The following MAST2 variants were observed in gnomAD, a reference collection of about 807,000 sequenced individuals.
MAST2 encodes the protein microtubule associated serine/threonine kinase 2, also known as microtubule-associated serine/threonine-protein kinase 2.
A neutral mutation model predicts 147.4 loss-of-function variants in MAST2; 70 were observed. The observed-to-expected ratio is 0.47, with a 90% CI of 0.39 to 0.58. The LOEUF (loss-of-function observed/expected upper bound fraction) is 0.58. Ranked by LOEUF, MAST2 falls within the 20% of genes least tolerant of loss-of-function variation. The pLI, the probability that MAST2 is intolerant of heterozygous loss-of-function variation, is 0.00. For synonymous variants in MAST2, 869 were observed against 896.8 expected (o/e 0.97, Z 0.55); for missense variants, 2,080 against 2,302.3 (o/e 0.90, Z 1.98).
At chr1:45,946,647 T>G (rs188999174) in intron 4 of MAST2, among the ~76,000 whole-genome samples, 2 of 152,348 alleles carry the variant, frequency 1.3e-5, no homozygotes, top group Admixed American at 1.3e-4. Context: ...ATGCTTCCTT[T>G]GCATTGCTGG....
chr1:45,906,760 A>G (rs1008167566), intron 4 of MAST2, among the ~76,000 whole-genome samples: 1 of 151,894 alleles, frequency 6.6e-6, no homozygotes, highest in Admixed American at 6.6e-5. Context: ...TGTTTCTATA[A>G]AGTCTACAGT....
chr1:45,902,569 G>C lies in MAST2; in HGVS notation c.500+20174G>C, dbSNP rs79088920. 3.0e-3 allele frequency among the ~76,000 whole-genome samples: 447 copies of C among 150,584 alleles called. 3 individuals are homozygous for C. Among genetic ancestry groups the C allele is most frequent in the East Asian group, 0.021 (107 of 5,138 alleles). On this transcript the variant is annotated intron_variant, in intron 4 of 28. Coordinates refer to ENST00000361297, the MANE Select transcript of MAST2 (RefSeq NM_015112.3). Reference sequence around the variant, plus strand: ...TCAGTAAGAGGTACAGTTCTTCTTTGTACATCTGGTAGAACTTGGCTGTGA... The same window carrying C: ...TCAGTAAGAGGTACAGTTCTTCTTTCTACATCTGGTAGAACTTGGCTGTGA...
rs755313941 is a variant in MAST2, at chr1:46,036,023, G to A, written c.5354G>A (p.Arg1785Gln). 29 of 1,612,944 alleles carry A rather than the reference G, an allele frequency of 1.8e-5. No individual in the cohort carries two copies. The highest frequency in any genetic ancestry group is 1.6e-4 in the Middle Eastern group (1 of 6,082). The change falls in exon 29 of 29, where the codon CGG becomes CAG. Residue 1785 changes from arginine to glutamine, a missense_variant. This residue lies in a region of MAST2 where 1,278 missense variants were observed against 1,304.2 expected (regional missense o/e 0.98). Coordinates refer to ENST00000361297, the MANE Select transcript of MAST2 (RefSeq NM_015112.3). ...GQEPGGHQKH[R>Q]DLALVPDELL... ...GAACCAGGGGGCCATCAAAAGCATC[G>A]GGATTTGGCATTGGTTCCAGATGAG...
chr1:45,860,230 A>ACT (rs1462573734), intron 3 of MAST2, among the ~76,000 whole-genome samples: 1 of 151,230 alleles, frequency 6.6e-6, no homozygotes, highest in African/African-American at 2.4e-5. Flanking sequence ...ACACACACAC[A>ACT]CAAATTAGCC....
intron 3 of MAST2, among the ~76,000 whole-genome samples, chr1:45,876,208 T>G (rs186155744): frequency 6.6e-6 from 1 of 152,302 alleles, no homozygotes; most frequent in African/African-American, 2.4e-5. Context: ...TTAAATGGGC[T>G]GGTAAGGTCT....
intron 2 of MAST2, among the ~76,000 whole-genome samples, chr1:45,828,823 C>T (rs2147803005): frequency 6.6e-6 from 1 of 152,114 alleles, no homozygotes; most frequent in South Asian, 2.1e-4. Flanking sequence ...ACTCAGGAGG[C>T]TGAGGCAGGA....
intron 4 of MAST2, among the ~76,000 whole-genome samples, chr1:45,914,432 T>C (rs911753786): frequency 1.3e-5 from 2 of 152,214 alleles, no homozygotes; most frequent in African/African-American, 4.8e-5. Context: ...AGGCTTCCTC[T>C]TCAGGGTGAC....
chr1:45,934,729 A>T (rs1291120873), intron 4 of MAST2, among the ~76,000 whole-genome samples: 3 of 152,146 alleles, frequency 2.0e-5, no homozygotes, highest in Non-Finnish European at 2.9e-5. Context: ...GGCCAATTTC[A>T]TTCTTTTTAA....
intron 4 of MAST2, among the ~76,000 whole-genome samples, chr1:45,931,377 G>GTT (rs71587091): frequency 0.073 from 7,421 of 101,122 alleles, 656 homozygotes; most frequent in African/African-American, 0.08. Context: ...ATTGTGTTCT[G>GTT]TTTTTTTTTT....
chr1:45,831,923 G>A (rs925514729), intron 3 of MAST2, among the ~76,000 whole-genome samples: 1 of 151,774 alleles, frequency 6.6e-6, no homozygotes, highest in Non-Finnish European at 1.5e-5. Flanking sequence ...GGGATTACAG[G>A]TGCGTACCAC....
At position 46,034,629 on chromosome 1, in the gene MAST2, C is replaced by T. The variant is rs371860079; in HGVS notation, c.3960C>T (p.His1320=). The T allele has an allele frequency of 6.8e-6, 11 of 1,614,024 alleles. No homozygotes were observed. Among genetic ancestry groups the T allele is most frequent in the South Asian group, 5.5e-5 (5 of 91,082 alleles). ...GSGHTRPSSL[H]GLAPKLQRQY... ...GGCACACACGGCCCAGCTCCCTCCA[C>T]GGTCTGGCACCCAAGCTCCAACGCC... The change falls in exon 29 of 29, where the codon CAC becomes CAT. Residue 1320 remains histidine, a synonymous_variant. Coordinates refer to ENST00000361297, the MANE Select transcript of MAST2 (RefSeq NM_015112.3).
At chr1:45,993,601 T>C (rs967603994) in intron 5 of MAST2, among the ~76,000 whole-genome samples, 4 of 152,114 alleles carry the variant, frequency 2.6e-5, no homozygotes, top group African/African-American at 9.7e-5. Flanking sequence ...GGAGAATCTT[T>C]TGAACCCAGG....
At chr1:45,821,248 CCG>C (rs1644617453) in intron 1 of MAST2, among the ~76,000 whole-genome samples, 1 of 152,058 alleles carries the variant, frequency 6.6e-6, no homozygotes, top group Non-Finnish European at 1.5e-5. Flanking sequence ...AGATAGAATT[CCG>C]TATGTCATCC....
At chr1:45,927,713 C>G (rs1654622330) in intron 4 of MAST2, among the ~76,000 whole-genome samples, 1 of 152,124 alleles carries the variant, frequency 6.6e-6, no homozygotes, top group African/African-American at 2.4e-5. Context: ...ATCACATGGT[C>G]CTGAAGCGAC....
intron 1 of MAST2, among the ~76,000 whole-genome samples, chr1:45,821,917 G>T (rs2148692930): frequency 8.8e-6 from 1 of 113,666 alleles, no homozygotes; most frequent in Non-Finnish European, 1.7e-5. Context: ...GTGACAGAGT[G>T]TTGCTCTGTC....
At chr1:46,021,476 G>A (rs1424544966) in intron 11 of MAST2, among the ~76,000 whole-genome samples, 1 of 152,222 alleles carries the variant, frequency 6.6e-6, no homozygotes, top group East Asian at 1.9e-4. Context: ...TGCAGACAAG[G>A]ATTGTGCTTT....
chr1:46,006,330 A>G lies in MAST2; in HGVS notation c.837A>G (p.Thr279=), dbSNP rs759090893. 5.0e-6 allele frequency: 8 copies of G among 1,614,140 alleles called. No individual in the cohort carries two copies. In the Admixed American group the frequency reaches 1.2e-4, roughly 24 times the overall value. The part of the protein sequence containing the change: ...ELHFLTKHFS[T]ESVPDEEGRQ... ...ACTTTTTGACGAAGCATTTCAGCAC[A>G]GAGAGCGTACCAGATGAGGAAGGAC... The change falls in exon 8 of 29, where the codon ACA becomes ACG. Residue 279 remains threonine, a synonymous_variant. Coordinates refer to ENST00000361297, the MANE Select transcript of MAST2 (RefSeq NM_015112.3).
Position 46,035,152 on chromosome 1 carries a change from CAAG to C in MAST2, c.4487_4489del (p.Glu1496del), listed in dbSNP as rs1429376850. The C allele has an allele frequency of 6.2e-7, 1 of 1,613,856 alleles. No individual in the cohort carries two copies. Among genetic ancestry groups the C allele is most frequent in the Admixed American group, 1.7e-5 (1 of 60,022 alleles). On this transcript the variant is annotated inframe_deletion, in exon 29 of 29. Transcript: ENST00000361297. The surrounding 1 kb of genome is among the most constrained non-coding windows in gnomAD (Gnocchi z 5.5). ...CGAACGACGGGAGTCGCTGCAGAAG[CAAG>C]AAGCCATTCGTGAGGTGGACTCCTC...
chr1:45,915,441 T>C (rs1652331820), intron 4 of MAST2, among the ~76,000 whole-genome samples: 1 of 152,162 alleles, frequency 6.6e-6, no homozygotes, highest in Non-Finnish European at 1.5e-5. Flanking sequence ...CCAGGCGCGG[T>C]GGCTTACGCC....
Sources: gnomAD v4.1 joint callset for allele counts (sites outside exome capture counted in the v4.1 genomes callset) on GRCh38, gnomAD v4.1.1 for gene constraint, gnomAD v4.1.1 regional missense constraint, Gnocchi (gnomAD v3.1) non-coding constraint, MANE v1.5 for transcripts, NCBI Gene and HGNC (gene_info 2026-07-23, HGNC 2026-07-21) for gene names.